The following DMD variants were observed in gnomAD, a reference collection of about 807,000 sequenced individuals.
DMD encodes mutant dystrophin.
A neutral mutation model predicts 330.1 loss-of-function variants in DMD; 63 were observed. That is an observed-to-expected ratio of 0.19 (90% CI 0.16 to 0.24). The LOEUF (loss-of-function observed/expected upper bound fraction) is 0.24, where lower values mean the gene tolerates loss of function less well. Among genes scored for constraint, DMD ranks in the 10% least tolerant of loss-of-function variants. The pLI is 1.00. For missense variants in DMD, 3,344 were observed against 2,684.1 expected, an observed-to-expected ratio of 1.25 and a Z score of -5.43; for synonymous variants, 1,223 against 959.8, an observed-to-expected ratio of 1.27 and a Z score of -5.07.
At position 32,349,546 on chromosome X, in the gene DMD, C is replaced by A. The variant is rs947724336; in HGVS notation, c.5326-1018G>T. Among the ~76,000 whole-genome samples, 7 of 111,489 alleles carry A rather than the reference C, an allele frequency of 6.3e-5. No homozygotes were observed. The South Asian group carries it at 1.1e-3, about 18-fold the overall frequency. ...ATTCATCAAGTTTGGTCCCCACCTA[C>A]CCTTCTCCAGTCACATTCCCAGGAA... On this transcript the variant is annotated intron_variant, in intron 37 of 78. Coordinates refer to ENST00000357033, the MANE Select transcript of DMD (RefSeq NM_004006.3).
At chrX:33,284,067 G>A (rs2053388581) in intron 1 of DMD, among the ~76,000 whole-genome samples, 1 of 110,621 alleles carries the variant, frequency 9.0e-6, no homozygotes, top group South Asian at 3.8e-4. Context: ...AAACAAAAAT[G>A]TCTACCAACT....
rs2098280870 is a variant in DMD, at chrX:32,441,368, G to A, written c.3787-54C>T. ...AATATTATGGTAGAAAAGTAAATGT[G>A]AAATTTTGCCATTTCATTATTAAAA... On this transcript the variant is annotated intron_variant, in intron 27 of 78. Coordinates refer to ENST00000357033, the MANE Select transcript of DMD (RefSeq NM_004006.3). 25 of 1,134,111 alleles carry A rather than the reference G, an allele frequency of 2.2e-5. No individual in the cohort carries two copies. In the South Asian group the frequency reaches 3.7e-4, roughly 17 times the overall value. 93.5% of individuals were successfully genotyped at this position (1,134,111 alleles called of 1,213,427 possible).
intron 6 of DMD, among the ~76,000 whole-genome samples, chrX:32,815,518 T>TACACACACACACACACACACAC (rs1355168422): frequency 2.2e-5 from 1 of 45,476 alleles, no homozygotes; most frequent in African/African-American, 7.7e-5. Context: ...TATATATATA[T>TACACACACACACACACACACAC]ATACACACAC....
intron 61 of DMD, among the ~76,000 whole-genome samples, chrX:31,331,726 G>A (rs17283159): frequency 0.066 from 7,395 of 111,804 alleles, 260 homozygotes; most frequent in Non-Finnish European, 0.098. Flanking sequence ...ATGCAATATC[G>A]CCAGGTGCCT....
chrX:31,209,295 T>C (rs1332316179), intron 65 of DMD, among the ~76,000 whole-genome samples: 1 of 112,059 alleles, frequency 8.9e-6, no homozygotes, highest in East Asian at 2.8e-4. Flanking sequence ...TGTTTTCTAA[T>C]CTGAGAGCAA....
intron 64 of DMD, among the ~76,000 whole-genome samples, chrX:31,220,649 C>T (rs977766734): frequency 1.8e-5 from 2 of 111,218 alleles, no homozygotes; most frequent in South Asian, 7.6e-4. Flanking sequence ...CCGTTACAAG[C>T]AGCACCTACA....
intron 55 of DMD, among the ~76,000 whole-genome samples, chrX:31,624,111 G>A (rs2078709909): frequency 9.0e-6 from 1 of 111,640 alleles, no homozygotes; most frequent in South Asian, 3.7e-4. Flanking sequence ...ATTCAATTAC[G>A]AATATAGTTT....
chrX:32,750,362 C>G (rs935290115), intron 7 of DMD, among the ~76,000 whole-genome samples: 1 of 111,198 alleles, frequency 9.0e-6, no homozygotes, highest in Non-Finnish European at 1.9e-5. Context: ...TGAAGTTAGG[C>G]GAAATTTGAT....
At chrX:32,629,340 T>C (rs1456922038) in intron 11 of DMD, among the ~76,000 whole-genome samples, 2 of 111,951 alleles carry the variant, frequency 1.8e-5, no homozygotes, top group African/African-American at 6.5e-5. Context: ...CTAATCCTGT[T>C]CTTTTTTGGT....
intron 44 of DMD, among the ~76,000 whole-genome samples, chrX:32,121,180 T>A (rs2096633235): frequency 8.9e-6 from 1 of 111,744 alleles, no homozygotes; most frequent in African/African-American, 3.3e-5. Context: ...GGTAGATACG[T>A]GCAATGCATT....
chrX:32,189,371 A>C (rs1327832427), intron 44 of DMD, among the ~76,000 whole-genome samples: 2 of 49,275 alleles, frequency 4.1e-5, no homozygotes, highest in East Asian at 5.6e-4. Flanking sequence ...AGCAAACTAC[A>C]AAAAAAAAAA....
chrX:31,614,245 T>C (rs759995559), intron 55 of DMD, among the ~76,000 whole-genome samples: 1 of 112,080 alleles, frequency 8.9e-6, no homozygotes, highest in Non-Finnish European at 1.9e-5. Flanking sequence ...TAATCCAATA[T>C]TGAATTGTTG....
At chrX:32,397,036 AT>A (rs1308660944) in intron 30 of DMD, among the ~76,000 whole-genome samples, 1 of 111,615 alleles carries the variant, frequency 9.0e-6, no homozygotes, top group Non-Finnish European at 1.9e-5. Context: ...AAAATCACTC[AT>A]AAAAAAAGAC....
At chrX:32,124,588 T>C (rs1028191727) in intron 44 of DMD, among the ~76,000 whole-genome samples, 19 of 112,423 alleles carry the variant, frequency 1.7e-4, no homozygotes, top group Non-Finnish European at 3.6e-4. Context: ...TAAATTTCTC[T>C]TGAATATTTG....
chrX:33,113,203 G>A (rs2095354566), intron 1 of DMD, among the ~76,000 whole-genome samples: 1 of 107,033 alleles, frequency 9.3e-6, no homozygotes, highest in Admixed American at 1.0e-4. Flanking sequence ...ACAGGCGCCC[G>A]CCACCATGCC....
chrX:32,337,417 T>C (rs1264684030), intron 41 of DMD, among the ~76,000 whole-genome samples: 1 of 109,073 alleles, frequency 9.2e-6, no homozygotes. Context: ...AACATCAAGA[T>C]CATATACTTG....
intron 62 of DMD, among the ~76,000 whole-genome samples, chrX:31,278,031 A>AG (rs2052310711): frequency 9.3e-6 from 1 of 107,514 alleles, no homozygotes; most frequent in African/African-American, 3.5e-5. Flanking sequence ...AAAAAAAAAA[A>AG]TATGAAAGTG....
rs1326127983 is a variant in DMD at position 31,375,018 on chromosome X, C to T, written c.9085-26384G>A. On this transcript the variant is annotated intron_variant, in intron 60 of 78. Coordinates refer to ENST00000357033, the MANE Select transcript of DMD (RefSeq NM_004006.3). ...GAACTGCCTCACACAGCTACATCCC[C>T]TCCCTCAGGGAGAGACCTAGGGCCA... Among the ~76,000 whole-genome samples, 8 of 110,857 alleles carry T rather than the reference C, an allele frequency of 7.2e-5. No individual in the cohort carries two copies. The East Asian group carries it at 1.4e-3, about 20-fold the overall frequency.
At chrX:31,693,421 C>T (rs1305059126) in intron 52 of DMD, among the ~76,000 whole-genome samples, 2 of 111,244 alleles carry the variant, frequency 1.8e-5, no homozygotes, top group Non-Finnish European at 3.8e-5. Context: ...GAGTCCTAGC[C>T]AGAGCAATTA....
Sources: allele counts gnomAD v4.1 joint callset (sites outside exome capture counted in the v4.1 genomes callset), GRCh38; gene constraint gnomAD v4.1.1; transcripts MANE v1.5; gene names NCBI Gene and HGNC (gene_info 2026-07-23, HGNC 2026-07-21).